The following MEMO1 variants were observed in gnomAD, a reference collection of about 807,000 sequenced individuals.
The protein encoded by MEMO1 is mediator of cell motility 1, also known as protein MEMO1.
MEMO1 carries 6 observed loss-of-function variants against 45.2 expected under a neutral mutation model. The observed-to-expected ratio is 0.13, with a 90% confidence interval of 0.07 to 0.26. The LOEUF (loss-of-function observed/expected upper bound fraction) is 0.26, where lower values mean the gene tolerates loss of function less well. Ranked by LOEUF, MEMO1 falls within the 10% of genes least tolerant of loss-of-function variation. The probability of loss-of-function intolerance (pLI) is 1.00; values close to 1 mark genes in which losing one functional copy is unlikely to be tolerated. For synonymous variants in MEMO1, 78 were observed against 124.3 expected, an observed-to-expected ratio of 0.63 and a Z score of 2.48; for missense variants, 184 against 370.5, an observed-to-expected ratio of 0.50 and a Z score of 4.13.
chr2:31,898,156 A>G (rs947941807), intron 6 of MEMO1, among the ~76,000 whole-genome samples: 1 of 150,578 alleles, frequency 6.6e-6, no homozygotes, highest in Non-Finnish European at 1.5e-5. Flanking sequence ...TAATCTTTTG[A>G]AAAAACCAGC....
intron 2 of MEMO1, among the ~76,000 whole-genome samples, chr2:31,958,452 C>G (rs1280771557): frequency 1.3e-5 from 2 of 151,858 alleles, no homozygotes; most frequent in Non-Finnish European, 2.9e-5. Flanking sequence ...TGCCCAAGCA[C>G]CAGCAACTTT....
intron 2 of MEMO1, among the ~76,000 whole-genome samples, chr2:31,958,001 A>G (rs1667592137): frequency 6.6e-6 from 1 of 152,224 alleles, no homozygotes; most frequent in East Asian, 1.9e-4. Context: ...AAAGAATCCC[A>G]GCAACCTCTG....
At chr2:31,964,315 GTA>G (rs1309099332) in intron 2 of MEMO1, among the ~76,000 whole-genome samples, 2 of 151,998 alleles carry the variant, frequency 1.3e-5, no homozygotes, top group Non-Finnish European at 2.9e-5. Flanking sequence ...GGTGAAATGT[GTA>G]GATTAAAGAC....
intron 2 of MEMO1, among the ~76,000 whole-genome samples, chr2:31,976,633 T>C (rs1670035460): frequency 6.6e-6 from 1 of 152,032 alleles, no homozygotes; most frequent in African/African-American, 2.4e-5. Flanking sequence ...GATAATTAAA[T>C]ATCTCAACTG....
intron 2 of MEMO1, among the ~76,000 whole-genome samples, chr2:31,997,395 C>T (rs1672739456): frequency 6.6e-6 from 1 of 152,134 alleles, no homozygotes; most frequent in African/African-American, 2.4e-5. Flanking sequence ...CCACCACACC[C>T]AGCTAATTTT....
chr2:31,885,030 T>C (rs1478987831), intron 7 of MEMO1, among the ~76,000 whole-genome samples: 1 of 152,230 alleles, frequency 6.6e-6, no homozygotes, highest in African/African-American at 2.4e-5. Context: ...GAGTAAGGTA[T>C]AGCTTTATTT....
chr2:31,993,020 C>A (rs975128741), intron 2 of MEMO1, among the ~76,000 whole-genome samples: 1 of 151,956 alleles, frequency 6.6e-6, no homozygotes, highest in Non-Finnish European at 1.5e-5. Context: ...AAAAAAGGGT[C>A]GATTTTTCTA....
At chr2:31,902,852 C>T (rs1183052554) in intron 6 of MEMO1, among the ~76,000 whole-genome samples, 1 of 151,870 alleles carries the variant, frequency 6.6e-6, no homozygotes, top group Non-Finnish European at 1.5e-5. Context: ...CCTGGAGCCC[C>T]TCACTTTAAA....
intron 6 of MEMO1, among the ~76,000 whole-genome samples, chr2:31,899,585 A>G (rs1162722399): frequency 6.6e-6 from 1 of 152,252 alleles, no homozygotes; most frequent in Admixed American, 6.5e-5. Context: ...AAAACTCTAG[A>G]AGAAAACCTA....
chr2:31,888,410 A>C (rs1676488184), intron 7 of MEMO1, among the ~76,000 whole-genome samples: 1 of 152,158 alleles, frequency 6.6e-6, no homozygotes, highest in Non-Finnish European at 1.5e-5. Flanking sequence ...AAATTTAGAA[A>C]TATAAATTTC....
intron 2 of MEMO1, among the ~76,000 whole-genome samples, chr2:31,953,725 G>A (rs1210910509): frequency 6.6e-6 from 1 of 152,016 alleles, no homozygotes; most frequent in Non-Finnish European, 1.5e-5. Context: ...CCAAAGTGCT[G>A]GGATTACAGG....
Position 31,932,129 on chromosome 2 carries a change from T to C in MEMO1, c.150A>G (p.Ala50=). The part of the protein sequence containing the change: ...RPARAIIAPH[A]GYTYCGSCAA... ...CACAAGACCCACAGTACGTATATCC[T>C]GCATGGCTACAAAACAAAATATTTT... Residue 50 remains alanine (A), a synonymous_variant, in exon 4 of 10, where the codon GCA becomes GCG. Transcript: ENST00000404530. 1.2e-6 allele frequency: 2 copies of C among 1,612,854 alleles called. No homozygotes were observed. The highest frequency in any genetic ancestry group is 1.7e-6 in the Non-Finnish European group (2 of 1,179,324).
At chr2:31,881,962 T>A (rs1353007063) in intron 8 of MEMO1, among the ~76,000 whole-genome samples, 3 of 152,002 alleles carry the variant, frequency 2.0e-5, no homozygotes, top group Non-Finnish European at 4.4e-5. Flanking sequence ...CTGGGCAACA[T>A]GGTGAAACCC....
At position 32,002,363 on chromosome 2, in the gene MEMO1, G is replaced by A. The variant is rs145720694; in HGVS notation, c.61+7824C>T. 7.5e-4 allele frequency among the ~76,000 whole-genome samples: 110 copies of A among 147,552 alleles called. No homozygotes were observed. The East Asian group carries it at 0.018, about 25-fold the overall frequency. On this transcript the variant is annotated intron_variant, in intron 2 of 9. Coordinates refer to ENST00000404530, the MANE Select transcript of MEMO1 (RefSeq NM_001301833.4). ...TACATATATACATACATATGTATGA[G>A]GAAATCCTTTATATAAGCCACAATA...
chr2:31,967,387 G>C (rs971120186), intron 2 of MEMO1, among the ~76,000 whole-genome samples: 3 of 152,092 alleles, frequency 2.0e-5, no homozygotes, highest in Non-Finnish European at 4.4e-5. Context: ...GCCTCCCAAA[G>C]TGCTGGGATT....
At chr2:31,893,191 A>G (rs1215296165) in intron 6 of MEMO1, 1 of 246,660 alleles carries the variant, frequency 4.1e-6, no homozygotes. Flanking sequence ...GCCCAGCTGC[A>G]TAAAGCTAAA....
intron 2 of MEMO1, among the ~76,000 whole-genome samples, chr2:31,972,429 G>C (rs1305758959): frequency 6.6e-6 from 1 of 152,164 alleles, no homozygotes; most frequent in Non-Finnish European, 1.5e-5. Context: ...GAATAGTATG[G>C]GCCGAATGCA....
intron 4 of MEMO1, among the ~76,000 whole-genome samples, chr2:31,929,412 T>C (rs944903494): frequency 3.9e-5 from 6 of 152,216 alleles, no homozygotes; most frequent in African/African-American, 1.2e-4. Flanking sequence ...TAATTTATCA[T>C]GTTTTATACT....
chr2:31,922,576 C>T (rs567789888), intron 4 of MEMO1, among the ~76,000 whole-genome samples: 1 of 151,928 alleles, frequency 6.6e-6, no homozygotes, highest in Admixed American at 6.6e-5. Flanking sequence ...TATTTGGACA[C>T]CCAGGTAATA....
Sources: gnomAD v4.1 joint callset for allele counts (sites outside exome capture counted in the v4.1 genomes callset) on GRCh38, gnomAD v4.1.1 for gene constraint, MANE v1.5 for transcripts, NCBI Gene and HGNC (gene_info 2026-07-23, HGNC 2026-07-21) for gene names.